RPTOR: variants seen among roughly 807,000 people sequenced by gnomAD.
The protein encoded by RPTOR is regulatory-associated protein of mTOR.
A neutral mutation model predicts 169.9 loss-of-function variants in RPTOR; 21 were observed. That is an observed-to-expected ratio of 0.12 (90% CI 0.09 to 0.18). The LOEUF is 0.18. Ranked by LOEUF, RPTOR falls within the 10% of genes least tolerant of loss-of-function variation. The pLI is 1.00. For missense variants in RPTOR, 1,133 were observed against 1,855.9 expected, an observed-to-expected ratio of 0.61 and a Z score of 7.16; for synonymous variants, 732 against 753.2, an observed-to-expected ratio of 0.97 and a Z score of 0.46.
chr17:80,885,235 A>G (rs746677130), intron 17 of RPTOR, 87 bp downstream of exon 17: 1 of 1,415,456 alleles, frequency 7.1e-7, no homozygotes, highest in Non-Finnish European at 9.5e-7. Context: ...CCCTGACCAC[A>G]GCAGGGAGCA....
At chr17:80,772,428 C>A (rs1486956752) in intron 6 of RPTOR, among the ~76,000 whole-genome samples, 1 of 145,342 alleles carries the variant, frequency 6.9e-6, no homozygotes, top group African/African-American at 2.6e-5. Flanking sequence ...ACTGGTTCCC[C>A]CTGTCTCTCC....
intron 9 of RPTOR, among the ~76,000 whole-genome samples, chr17:80,830,559 G>A (rs58021271): frequency 0.043 from 6,622 of 152,252 alleles, 318 homozygotes; most frequent in East Asian, 0.23. Flanking sequence ...GCCCCACGGT[G>A]CCCCCGCGCT....
At chr17:80,813,330 C>G (rs138866494) in intron 7 of RPTOR, among the ~76,000 whole-genome samples, 6 of 152,342 alleles carry the variant, frequency 3.9e-5, no homozygotes, top group South Asian at 4.1e-4. Context: ...AAAGTATTTT[C>G]ACTGGTTTCA....
rs537751889 is a variant in RPTOR, at chr17:80,568,062, A to G, written c.162+22271A>G. Among the ~76,000 whole-genome samples, 7 of 151,774 alleles carry G rather than the reference A, an allele frequency of 4.6e-5. No individual in the cohort carries two copies. In the South Asian group the frequency reaches 6.3e-4, roughly 14 times the overall value. On this transcript the variant is annotated intron_variant, in intron 1 of 33. Transcript: ENST00000306801. Reference sequence around the variant, plus strand: ...GATGGGACTACAGGCATGCGCTACTATGCCCAGCTAATTTTTTTGTGTTTT... The same window carrying G: ...GATGGGACTACAGGCATGCGCTACTGTGCCCAGCTAATTTTTTTGTGTTTT...
chr17:80,901,145 C>T (rs1361633879), intron 20 of RPTOR, among the ~76,000 whole-genome samples: 2 of 152,034 alleles, frequency 1.3e-5, no homozygotes, highest in East Asian at 3.9e-4. Flanking sequence ...TAGCTCTTGT[C>T]TGTGATGAGT....
At chr17:80,744,439 C>T (rs368214987) in intron 5 of RPTOR, among the ~76,000 whole-genome samples, 628 of 7,560 alleles carry the variant, frequency 0.083, 1 homozygote, top group East Asian at 0.21. Flanking sequence ...ACAGCCCTGG[C>T]TACTAGCACT....
In RPTOR at chr17:80,887,292, C is replaced by G. The variant is rs550883951; in HGVS notation, c.1983+2144C>G. Among the ~76,000 whole-genome samples, 7 of 122,864 alleles carry G rather than the reference C, an allele frequency of 5.7e-5. No individual in the cohort carries two copies. In the Admixed American group the frequency reaches 7.1e-4, roughly 13 times the overall value. The allele number at this position is 122,864 out of a possible 152,430, so 80.6% of individuals were successfully genotyped here. On this transcript the variant is annotated intron_variant, in intron 17 of 33. Transcript: ENST00000306801. ...GTGTGCTGACTCTGAGGGGTGCCAC[C>G]TCGGGGGGTGCGCTGGCTCTGAGGG...
intron 1 of RPTOR, chr17:80,593,647 G>A (rs982810214): frequency 1.3e-5 from 2 of 152,758 alleles, no homozygotes; most frequent in African/African-American, 4.8e-5. Flanking sequence ...ATGTATTACA[G>A]CAGATTAAAT....
chr17:80,592,305 G>A (rs940755344), intron 1 of RPTOR, among the ~76,000 whole-genome samples: 54 of 152,154 alleles, frequency 3.5e-4, no homozygotes, highest in Non-Finnish European at 6.8e-4. Context: ...CTAGAGATCC[G>A]CTGTGTGGTT....
rs577910494 is a variant in RPTOR at position 80,582,786 on chromosome 17, C to T, written c.162+36995C>T. 4.5e-3 allele frequency among the ~76,000 whole-genome samples: 684 copies of T among 151,908 alleles called. 1 individual carries two copies. The highest frequency in any genetic ancestry group is 6.9e-3 in the Non-Finnish European group (468 of 67,918). ...GTCTCGATCTCTTGACCTCGTGATC[C>T]GCCCGCCTCAGCCTCCCAAAGTGCT... On this transcript the variant is annotated intron_variant, in intron 1 of 33. Transcript: ENST00000306801.
Position 80,633,470 on chromosome 17 carries a change from G to C in RPTOR, c.265+7677G>C, listed in dbSNP as rs1484769246. Among the ~76,000 whole-genome samples the C allele has an allele frequency of 6.6e-6, 1 of 152,234 alleles. No individual in the cohort carries two copies. The highest frequency in any genetic ancestry group is 1.5e-5 in the Non-Finnish European group (1 of 68,038). ...CTCACCCTGGCGCTTGAAGGTGGCA[G>C]TCTCTTTGTTTTGTAGAATGTCTCC... On this transcript the variant is annotated intron_variant, in intron 2 of 33. Coordinates refer to ENST00000306801, the MANE Select transcript of RPTOR (RefSeq NM_020761.3). The surrounding 1 kb of genome is among the most constrained non-coding windows in gnomAD (Gnocchi z 4.1).
chr17:80,840,704 G>A (rs1370260299), intron 10 of RPTOR, among the ~76,000 whole-genome samples: 6 of 82,062 alleles, frequency 7.3e-5, no homozygotes, highest in African/African-American at 1.9e-4. Context: ...TCACCACACG[G>A]CAGCTCACAC....
intron 3 of RPTOR, among the ~76,000 whole-genome samples, chr17:80,665,436 TC>T (rs2065763567): frequency 5.7e-5 from 1 of 17,676 alleles, no homozygotes; most frequent in African/African-American, 5.8e-4. Context: ...TCCTTTCCTT[TC>T]CTTTCCTTTC....
chr17:80,901,059 G>A (rs1243142898), intron 20 of RPTOR, among the ~76,000 whole-genome samples: 2 of 152,238 alleles, frequency 1.3e-5, no homozygotes, highest in East Asian at 3.9e-4. Context: ...CTGTGCGCGT[G>A]CCATGCCTGA....
chr17:80,949,087 C>T (rs1317675098), intron 27 of RPTOR, among the ~76,000 whole-genome samples: 1 of 152,172 alleles, frequency 6.6e-6, no homozygotes, highest in Admixed American at 6.5e-5. Context: ...AACCGAGCTT[C>T]ACCCGCCTGC....
At chr17:80,773,576 T>A (rs1210324336) in intron 6 of RPTOR, among the ~76,000 whole-genome samples, 2 of 152,202 alleles carry the variant, frequency 1.3e-5, no homozygotes, top group African/African-American at 2.4e-5. Context: ...ACTGGGGGCA[T>A]TTTTTACACC....
chr17:80,558,002 C>T (rs538244128), intron 1 of RPTOR, among the ~76,000 whole-genome samples: 4 of 151,106 alleles, frequency 2.6e-5, no homozygotes, highest in Non-Finnish European at 5.9e-5. Flanking sequence ...CAAATCAATG[C>T]TTTAACTGTG....
rs960543611 is a variant in RPTOR at position 80,860,864 on chromosome 17, G to T, written c.1509+2964G>T. Among the ~76,000 whole-genome samples, 2 of 151,952 alleles carry T rather than the reference G, an allele frequency of 1.3e-5. No individual in the cohort carries two copies. Among genetic ancestry groups the T allele is most frequent in the South Asian group, 4.2e-4 (2 of 4,814 alleles). On this transcript the variant is annotated intron_variant, in intron 13 of 33. Coordinates refer to ENST00000306801, the MANE Select transcript of RPTOR (RefSeq NM_020761.3). This position sits in a 1 kb window ranked among gnomAD's most constrained non-coding sequence, Gnocchi z 5.8. ...GCTCTGCTGGCACGGGTCGGCTACC[G>T]TGCTTGCCATCTCTCCCAGCTGCTC...
intron 17 of RPTOR, among the ~76,000 whole-genome samples, chr17:80,886,654 G>A (rs1041466944): frequency 6.6e-6 from 1 of 152,268 alleles, no homozygotes; most frequent in African/African-American, 2.4e-5. Context: ...TGGCCCTGTG[G>A]TGTGGCCCTG....
Sources: gnomAD v4.1 joint callset for allele counts (sites outside exome capture counted in the v4.1 genomes callset) on GRCh38, gnomAD v4.1.1 for gene constraint, Gnocchi (gnomAD v3.1) non-coding constraint, MANE v1.5 for transcripts, NCBI Gene and HGNC (gene_info 2026-07-23, HGNC 2026-07-21) for gene names.